CENPK: variants seen among roughly 807,000 people sequenced by gnomAD.
CENPK encodes centromere protein K, also known as SoxLZ/Sox6-binding protein Solt.
CENPK carries 46 observed loss-of-function variants against 40.9 expected under a neutral mutation model. The observed-to-expected ratio is 1.13, with a 90% CI of 0.89 to 1.44. The LOEUF (loss-of-function observed/expected upper bound fraction) is 1.44. Among genes scored for constraint, CENPK ranks in the 40% most tolerant of loss-of-function variants. CENPK has a pLI of 0.00. For missense variants in CENPK, 288 were observed against 303.5 expected (o/e 0.95, Z 0.38); for synonymous variants, 107 against 104.4 (o/e 1.02, Z -0.15).
rs1046223662 is a variant in CENPK at position 65,520,888 on chromosome 5, T to C, written c.651+587A>G. 2.0e-5 allele frequency among the ~76,000 whole-genome samples: 3 copies of C among 152,334 alleles called. No homozygotes were observed. In the East Asian group the frequency reaches 5.8e-4, roughly 29 times the overall value. ...TATCAAGATCTTCCAAAGTATTTAA[T>C]GTAACTGATAATATGGTTGAGGTTC... On this transcript the variant is annotated intron_variant, in intron 10 of 10. Coordinates refer to ENST00000396679, the MANE Select transcript of CENPK (RefSeq NM_022145.5).
the CENPK span, among the ~76,000 whole-genome samples, chr5:65,496,738 A>T: frequency 1.3e-5 from 2 of 152,012 alleles, no homozygotes; most frequent in East Asian, 3.9e-4. Context: ...TTTCCAAAGT[A>T]TTTATGAGTA....
chr5:65,510,671 G>C, the CENPK span, among the ~76,000 whole-genome samples: 1 of 151,908 alleles, frequency 6.6e-6, no homozygotes, highest in African/African-American at 2.4e-5. Context: ...AGCTACTCGG[G>C]AGGCTGAGGC....
intron 9 of CENPK, among the ~76,000 whole-genome samples, chr5:65,522,062 T>C (rs919164418): frequency 3.3e-5 from 5 of 151,062 alleles, no homozygotes; most frequent in Admixed American, 2.0e-4. Context: ...AAAACTCTTA[T>C]AGTAACTGGA....
Position 65,518,365 on chromosome 5 carries a change from T to C in CENPK, c.*110A>G. 1 of 592,762 alleles carries C rather than the reference T, an allele frequency of 1.7e-6. No individual in the cohort carries two copies. Among genetic ancestry groups the C allele is most frequent in the Non-Finnish European group, 2.6e-6 (1 of 389,382 alleles). 36.7% of individuals were successfully genotyped at this position (592,762 alleles called of 1,614,324 possible). The stretch of plus-strand genomic sequence containing the variant: ...ATGCCATTTTGCAATAAAAGTAAGA[T>C]GGCCTATGCGCATTAATTTGCAAAT... On this transcript the variant is annotated 3_prime_UTR_variant, in exon 11 of 11. Transcript: ENST00000396679.
At chr5:65,532,396 T>G (rs566299619) in intron 6 of CENPK, among the ~76,000 whole-genome samples, 7 of 152,230 alleles carry the variant, frequency 4.6e-5, no homozygotes, top group African/African-American at 1.7e-4. Context: ...ACTTCCTAAT[T>G]TGTTCTGAGG....
At chr5:65,530,515 G>T (rs1745596411) in intron 6 of CENPK, among the ~76,000 whole-genome samples, 1 of 152,186 alleles carries the variant, frequency 6.6e-6, no homozygotes, top group South Asian at 2.1e-4. Flanking sequence ...ATGCTTGAGG[G>T]ATTTCAGGAA....
the CENPK span, among the ~76,000 whole-genome samples, chr5:65,504,601 T>C: frequency 6.6e-6 from 1 of 152,222 alleles, no homozygotes; most frequent in Non-Finnish European, 1.5e-5. Context: ...ATTGCTGTTT[T>C]TTTTCCCACT....
At chr5:65,556,389 C>T (rs982310985) in intron 2 of CENPK, among the ~76,000 whole-genome samples, 4 of 152,014 alleles carry the variant, frequency 2.6e-5, no homozygotes, top group African/African-American at 7.2e-5. Context: ...GCAGGAAGAT[C>T]GCTTGAGTCC....
chr5:65,557,387 G>C (rs939955238), intron 2 of CENPK, among the ~76,000 whole-genome samples: 1 of 149,258 alleles, frequency 6.7e-6, no homozygotes, highest in African/African-American at 2.4e-5. Context: ...TCTTTATAAA[G>C]AGAATACAAT....
At chr5:65,499,221 A>C in the CENPK span, among the ~76,000 whole-genome samples, 2 of 146,792 alleles carry the variant, frequency 1.4e-5, no homozygotes, top group Non-Finnish European at 3.0e-5. Context: ...GCTAGCAACA[A>C]ACTCTCTTAG....
the CENPK span, among the ~76,000 whole-genome samples, chr5:65,497,551 G>C: frequency 6.6e-5 from 10 of 152,168 alleles, no homozygotes; most frequent in Non-Finnish European, 1.3e-4. Flanking sequence ...AGTCTCAGAA[G>C]TGATGTCCCT....
chr5:65,549,443 T>C (rs760666568), intron 5 of CENPK, among the ~76,000 whole-genome samples: 12 of 152,224 alleles, frequency 7.9e-5, no homozygotes, highest in Non-Finnish European at 1.8e-4. Flanking sequence ...ACCTGTCCTT[T>C]TGAAGCTTTG....
At position 65,563,141 on chromosome 5, in the gene CENPK, G is replaced by A. The variant is rs1752344063; in HGVS notation, c.-185C>T. The A allele has an allele frequency of 2.4e-6, 2 of 823,714 alleles. No individual in the cohort carries two copies. The highest frequency in any genetic ancestry group is 3.7e-6 in the Non-Finnish European group (2 of 542,210). The allele number at this position is 823,714 out of a possible 1,614,324, so 51.0% of individuals were successfully genotyped here. ...TCCAGGTCGCCTAGGCGCTGCGCAGGAAGCGCTTGCCAGCCCCGGACTTCT... is the reference window on the plus strand; with the variant it reads ...TCCAGGTCGCCTAGGCGCTGCGCAGAAAGCGCTTGCCAGCCCCGGACTTCT... On this transcript the variant is annotated 5_prime_UTR_variant, in exon 1 of 11. Coordinates refer to ENST00000396679, the MANE Select transcript of CENPK (RefSeq NM_022145.5).
chr5:65,520,961 GTCAAA>G (rs1422058891), intron 10 of CENPK, among the ~76,000 whole-genome samples: 2 of 152,150 alleles, frequency 1.3e-5, no homozygotes, highest in Admixed American at 1.3e-4. Flanking sequence ...CAAGGTATAT[GTCAAA>G]TCAGAGAAAG....
At chr5:65,504,536 C>T in the CENPK span, among the ~76,000 whole-genome samples, 5 of 150,002 alleles carry the variant, frequency 3.3e-5, no homozygotes, top group African/African-American at 1.2e-4. Context: ...CTTACTTTTG[C>T]AATACTAATG....
chr5:65,517,465 C>T (rs905147497), downstream of CENPK, among the ~76,000 whole-genome samples: 2 of 152,026 alleles, frequency 1.3e-5, no homozygotes, highest in Admixed American at 6.6e-5. Context: ...AAAAGAGTTA[C>T]GTTCCCTAAA....
chr5:65,504,457 C>CAA, the CENPK span, among the ~76,000 whole-genome samples: 35,607 of 99,702 alleles, frequency 0.36, 6,161 homozygotes, highest in East Asian at 0.54. Context: ...AATTCCGTAT[C>CAA]AAAAAAAAAA....
chr5:65,514,250 T>G (rs1580850692), downstream of CENPK, among the ~76,000 whole-genome samples: 2 of 10,330 alleles, frequency 1.9e-4, no homozygotes, highest in African/African-American at 5.6e-4. Flanking sequence ...TTTTTTTTTT[T>G]TTTTTTTTTT....
intron 6 of CENPK, among the ~76,000 whole-genome samples, chr5:65,534,988 C>T (rs1746611129): frequency 6.6e-6 from 1 of 152,100 alleles, no homozygotes; most frequent in South Asian, 2.1e-4. Flanking sequence ...GAGGCTGAAG[C>T]AGGCAGATCA....
Sources: allele counts gnomAD v4.1 joint callset (sites outside exome capture counted in the v4.1 genomes callset), GRCh38; gene constraint gnomAD v4.1.1; transcripts MANE v1.5; gene names NCBI Gene and HGNC (gene_info 2026-07-23, HGNC 2026-07-21).